Variants in APLP2 observed in about 807,000 individuals in gnomAD.
The protein encoded by APLP2 is CDEI box-binding protein.
A neutral mutation model predicts 89.9 loss-of-function variants in APLP2; 53 were observed. The ratio of observed to expected loss-of-function variants is 0.59; its 90% confidence interval spans 0.47 to 0.74. APLP2 has a LOEUF of 0.74. APLP2 is among the 30% of genes least tolerant of loss of function. APLP2 has a pLI of 0.00. For missense variants in APLP2, 973 were observed against 975.9 expected (o/e 1.00, Z 0.04); for synonymous variants, 372 against 348.6 (o/e 1.07, Z -0.75).
At chr11:130,097,528 T>C (rs1946368870) in intron 1 of APLP2, among the ~76,000 whole-genome samples, 1 of 152,114 alleles carries the variant, frequency 6.6e-6, no homozygotes, top group African/African-American at 2.4e-5. Flanking sequence ...ACCCCGTCTC[T>C]GCAAAAAATG....
At chr11:130,071,456 A>G (rs761981017) in intron 1 of APLP2, among the ~76,000 whole-genome samples, 2 of 152,002 alleles carry the variant, frequency 1.3e-5, no homozygotes, top group African/African-American at 2.4e-5. Flanking sequence ...TCAGAGTTGT[A>G]TCTGTGATCC....
chr11:130,070,442 C>A, intron 1 of APLP2: 1 of 758,482 alleles, frequency 1.3e-6, no homozygotes, highest in Non-Finnish European at 1.7e-6. Flanking sequence ...CCAGGGCGCT[C>A]CTCTCCCGCC....
intron 11 of APLP2, among the ~76,000 whole-genome samples, chr11:130,132,342 G>A (rs1053412453): frequency 3.3e-5 from 5 of 152,192 alleles, no homozygotes; most frequent in Non-Finnish European, 5.9e-5. Context: ...TACAATAAAA[G>A]CATCTTTCCA....
At chr11:130,120,651 AT>A (rs1367182256) in intron 3 of APLP2, 54 bp from the exon 4 acceptor site, 43 of 1,347,906 alleles carry the variant, frequency 3.2e-5, no homozygotes, top group Non-Finnish European at 4.6e-5. Context: ...AGTGAGGGGC[AT>A]TTTCACCTTG....
At chr11:130,139,871 G>A (rs1221146418) in intron 13 of APLP2, among the ~76,000 whole-genome samples, 5 of 152,186 alleles carry the variant, frequency 3.3e-5, no homozygotes, top group Admixed American at 6.5e-5. Context: ...ATTACTGTTG[G>A]AACCTCCCCA....
intron 16 of APLP2, among the ~76,000 whole-genome samples, chr11:130,142,566 G>T (rs1050663867): frequency 2.6e-5 from 4 of 152,100 alleles, no homozygotes; most frequent in African/African-American, 9.7e-5. Flanking sequence ...TGAGCCCTGG[G>T]AAATTAGTGC....
intron 1 of APLP2, among the ~76,000 whole-genome samples, chr11:130,078,823 A>G (rs902987591): frequency 1.3e-5 from 2 of 151,570 alleles, no homozygotes; most frequent in Admixed American, 1.3e-4. Flanking sequence ...CTCTTTGTTT[A>G]TCCTTGCACC....
At chr11:130,116,730 A>T (rs1281869906) in intron 3 of APLP2, among the ~76,000 whole-genome samples, 1 of 152,050 alleles carries the variant, frequency 6.6e-6, no homozygotes, top group East Asian at 1.9e-4. Flanking sequence ...CCTCAGCCTC[A>T]TAAAGTGCTG....
chr11:130,124,324 G>A (rs1045603711), intron 7 of APLP2, among the ~76,000 whole-genome samples: 2 of 152,178 alleles, frequency 1.3e-5, no homozygotes, highest in African/African-American at 2.4e-5. Flanking sequence ...CAGCCAAGTG[G>A]TAGTGACTCA....
chr11:130,112,254 T>A (rs913834353), intron 3 of APLP2, among the ~76,000 whole-genome samples: 3 of 152,222 alleles, frequency 2.0e-5, no homozygotes, highest in African/African-American at 7.2e-5. Flanking sequence ...TAATTTACAG[T>A]TTCATCATGA....
intron 1 of APLP2, among the ~76,000 whole-genome samples, chr11:130,090,593 T>A (rs1334670532): frequency 2.0e-5 from 3 of 151,626 alleles, no homozygotes; most frequent in African/African-American, 7.3e-5. Flanking sequence ...AGGTCACAGA[T>A]CAACAGGATC....
intron 3 of APLP2, among the ~76,000 whole-genome samples, chr11:130,114,060 C>T (rs77222580): frequency 1.2e-3 from 186 of 152,280 alleles, no homozygotes; most frequent in African/African-American, 4.3e-3. Flanking sequence ...AATTCTCCTA[C>T]GTAACCGTGG....
intron 1 of APLP2, among the ~76,000 whole-genome samples, chr11:130,084,717 A>AT (rs1446384958): frequency 6.6e-6 from 1 of 152,220 alleles, no homozygotes. Flanking sequence ...AAATGCCTAC[A>AT]TTAAAAAAAT....
At chr11:130,108,210 C>T (rs1948058885) in intron 1 of APLP2, among the ~76,000 whole-genome samples, 1 of 152,164 alleles carries the variant, frequency 6.6e-6, no homozygotes, top group Non-Finnish European at 1.5e-5. Context: ...CCAAAATTGA[C>T]AAATGGGATC....
intron 10 of APLP2, 105 bp from the exon 11 acceptor site, chr11:130,129,933 C>A: frequency 7.7e-7 from 1 of 1,299,692 alleles, no homozygotes; most frequent in Non-Finnish European, 1.1e-6. Flanking sequence ...ATTCTTGTGC[C>A]TAGCTGAGCT....
intron 11 of APLP2, among the ~76,000 whole-genome samples, chr11:130,131,637 T>C (rs906513798): frequency 6.6e-6 from 1 of 152,212 alleles, no homozygotes; most frequent in Non-Finnish European, 1.5e-5. Context: ...GGGCCTAGGC[T>C]CTTGGGGTCT....
At chr11:130,085,071 G>T (rs1943895392) in intron 1 of APLP2, among the ~76,000 whole-genome samples, 2 of 152,152 alleles carry the variant, frequency 1.3e-5, no homozygotes, top group African/African-American at 4.8e-5. Context: ...TTCTAAAAAC[G>T]TGCAAACTAC....
At chr11:130,101,863 C>T (rs1455532591) in intron 1 of APLP2, 1 of 444,042 alleles carries the variant, frequency 2.3e-6, no homozygotes, top group African/African-American at 2.0e-5. Context: ...CACTAATGTC[C>T]TTTTCCTGTT....
chr11:130,122,215 T>G, intron 5 of APLP2, 90 bp from the exon 6 acceptor site: 2 of 1,454,206 alleles, frequency 1.4e-6, no homozygotes, highest in Non-Finnish European at 1.9e-6. Flanking sequence ...CCTGCCTCTG[T>G]TTTTGTGTTT....
Sources: allele counts gnomAD v4.1 joint callset (sites outside exome capture counted in the v4.1 genomes callset), GRCh38; gene constraint gnomAD v4.1.1; transcripts MANE v1.5; gene names NCBI Gene and HGNC (gene_info 2026-07-23, HGNC 2026-07-21).